The following KDM4C variants were observed in gnomAD, a reference collection of about 807,000 sequenced individuals.
The protein encoded by KDM4C is lysine-specific demethylase 4C.
A neutral mutation model predicts 129.3 loss-of-function variants in KDM4C; 81 were observed. The ratio of observed to expected loss-of-function variants is 0.63; its 90% CI spans 0.52 to 0.75. KDM4C has a LOEUF of 0.75. Ranked by LOEUF, KDM4C falls within the 30% of genes least tolerant of loss-of-function variation. The probability of loss-of-function intolerance (pLI) is 0.00; values close to 1 mark genes in which losing one functional copy is unlikely to be tolerated. For synonymous variants in KDM4C, 573 were observed against 456.1 expected, an observed-to-expected ratio of 1.26 and a Z score of -3.26; for missense variants, 1,457 against 1,304.0, an observed-to-expected ratio of 1.12 and a Z score of -1.81.
chr9:7,064,646 G>T (rs901401613), intron 17 of KDM4C, among the ~76,000 whole-genome samples: 2 of 152,178 alleles, frequency 1.3e-5, no homozygotes, highest in East Asian at 1.9e-4. Flanking sequence ...AGGGTTTAGT[G>T]GGAGGAAGTA....
intron 5 of KDM4C, among the ~76,000 whole-genome samples, chr9:6,863,137 A>C (rs974027654): frequency 6.6e-6 from 1 of 152,126 alleles, no homozygotes; most frequent in African/African-American, 2.4e-5. Context: ...ATAGAAACAA[A>C]ATAAAAACAA....
chr9:6,845,648 A>G (rs1232412602), intron 4 of KDM4C, among the ~76,000 whole-genome samples: 11 of 152,208 alleles, frequency 7.2e-5, no homozygotes, highest in Admixed American at 5.9e-4. Context: ...GAGTTGTTTC[A>G]GAAAACAGAT....
intron 8 of KDM4C, among the ~76,000 whole-genome samples, chr9:6,944,647 T>C (rs1350097871): frequency 1.4e-5 from 2 of 138,056 alleles, no homozygotes; most frequent in East Asian, 2.2e-4. Flanking sequence ...TTTGTCAAGG[T>C]AGAGGTTTTT....
At chr9:7,028,303 T>G (rs1170642813) in intron 15 of KDM4C, among the ~76,000 whole-genome samples, 3 of 151,834 alleles carry the variant, frequency 2.0e-5, no homozygotes, top group Non-Finnish European at 4.4e-5. Flanking sequence ...AGTCAGCAGA[T>G]GATGGGTCTT....
At chr9:7,069,581 A>G (rs1832919266) in intron 17 of KDM4C, among the ~76,000 whole-genome samples, 1 of 152,220 alleles carries the variant, frequency 6.6e-6, no homozygotes, top group Admixed American at 6.5e-5. Flanking sequence ...GGAAGTTGTG[A>G]CAGTTCTAAA....
chr9:7,113,967 C>T (rs7037866), intron 18 of KDM4C, among the ~76,000 whole-genome samples: 67,525 of 151,874 alleles, frequency 0.44, 15,330 homozygotes, highest in East Asian at 0.74. Context: ...GCTGAAGTCC[C>T]GTTGAGAGAC....
At chr9:6,974,516 C>G (rs1047462485) in intron 8 of KDM4C, among the ~76,000 whole-genome samples, 1 of 152,134 alleles carries the variant, frequency 6.6e-6, no homozygotes, top group Non-Finnish European at 1.5e-5. Flanking sequence ...TGCCACCATG[C>G]CTGAGTAATT....
At chr9:6,902,736 G>A (rs556968657) in intron 8 of KDM4C, 40 of 152,294 alleles carry the variant, frequency 2.6e-4, no homozygotes, top group African/African-American at 7.2e-4. Context: ...AGTGTCTGTG[G>A]GGACAGTGTT....
intron 12 of KDM4C, among the ~76,000 whole-genome samples, chr9:7,010,574 A>G (rs76066506): frequency 0.044 from 6,740 of 152,310 alleles, 318 homozygotes; most frequent in East Asian, 0.26. Flanking sequence ...TTATGCAGAT[A>G]TTTAGAATGT....
At chr9:6,978,108 G>T (rs1248860362) in intron 8 of KDM4C, among the ~76,000 whole-genome samples, 1 of 152,120 alleles carries the variant, frequency 6.6e-6, no homozygotes, top group Non-Finnish European at 1.5e-5. Flanking sequence ...TCTATTGTCA[G>T]CCCCATGAGG....
chr9:7,019,793 A>ATATATAAAAATATTTTT (rs1824448002), intron 15 of KDM4C, among the ~76,000 whole-genome samples: 1 of 146,594 alleles, frequency 6.8e-6, no homozygotes. Flanking sequence ...AAAATATTTT[A>ATATATAAAAATATTTTT]GAAGCAAAGA....
chr9:7,152,644 A>T (rs1266471909), intron 19 of KDM4C, among the ~76,000 whole-genome samples: 3 of 152,236 alleles, frequency 2.0e-5, no homozygotes, highest in Non-Finnish European at 4.4e-5. Flanking sequence ...CAACACTTTG[A>T]ACTTAATGTC....
At chr9:6,928,765 C>T (rs1475102703) in intron 8 of KDM4C, among the ~76,000 whole-genome samples, 2 of 152,090 alleles carry the variant, frequency 1.3e-5, no homozygotes, top group African/African-American at 4.8e-5. Context: ...TTTTTAACTA[C>T]CTTGGAGGTT....
chr9:6,801,649 C>T (rs1450955372), intron 2 of KDM4C, among the ~76,000 whole-genome samples: 1 of 152,058 alleles, frequency 6.6e-6, no homozygotes, highest in Non-Finnish European at 1.5e-5. Flanking sequence ...CTGTCTCTCT[C>T]TCTCTCTCTC....
At chr9:6,757,784 A>G, upstream of KDM4C, 6 of 985,556 alleles carry the variant, frequency 6.1e-6, no homozygotes, top group Non-Finnish European at 7.2e-6. Context: ...TCCCCTCCGG[A>G]AAGAATGGGA....
intron 20 of KDM4C, among the ~76,000 whole-genome samples, chr9:7,169,049 TAAAAA>T (rs77258477): frequency 3.1e-5 from 4 of 128,078 alleles, no homozygotes; most frequent in Non-Finnish European, 4.8e-5. Flanking sequence ...TGTCTCAATT[TAAAAA>T]AAAAAAAAAA....
chr9:6,789,257 G>A (rs1277175978), intron 1 of KDM4C, among the ~76,000 whole-genome samples: 1 of 118,926 alleles, frequency 8.4e-6, no homozygotes, highest in Non-Finnish European at 1.7e-5. Context: ...TTTTGCTCTT[G>A]TTGCCCAGGC....
intron 7 of KDM4C, among the ~76,000 whole-genome samples, chr9:6,890,191 A>G (rs1490393250): frequency 6.6e-6 from 1 of 152,240 alleles, no homozygotes; most frequent in Non-Finnish European, 1.5e-5. Context: ...GCACAATGGT[A>G]GCACAGGCTG....
intron 4 of KDM4C, among the ~76,000 whole-genome samples, chr9:6,837,852 C>T (rs1183505448): frequency 6.6e-6 from 1 of 151,944 alleles, no homozygotes; most frequent in Admixed American, 6.6e-5. Context: ...TAGATTTTTA[C>T]TATTTTATTT....
Sources: allele counts gnomAD v4.1 joint callset (sites outside exome capture counted in the v4.1 genomes callset), GRCh38; gene constraint gnomAD v4.1.1; transcripts MANE v1.5; gene names NCBI Gene and HGNC (gene_info 2026-07-23, HGNC 2026-07-21).